The following CGREF1 variants were observed in gnomAD, a reference collection of about 807,000 sequenced individuals.
The protein encoded by CGREF1 is cell growth regulator with EF hand domain protein 1.
A neutral mutation model predicts 17.4 loss-of-function variants in CGREF1; 16 were observed. That is an observed-to-expected ratio of 0.92 (90% confidence interval 0.62 to 1.40). The LOEUF (loss-of-function observed/expected upper bound fraction) is 1.40. CGREF1 is among the 40% of genes most tolerant of loss of function. CGREF1 has a pLI of 0.00. For synonymous variants in CGREF1, 142 were observed against 154.6 expected (o/e 0.92, Z 0.61); for missense variants, 296 against 376.4 (o/e 0.79, Z 1.77).
At chr2:27,108,099 ACAC>A (rs1671206288) in intron 1 of CGREF1, among the ~76,000 whole-genome samples, 1 of 151,436 alleles carries the variant, frequency 6.6e-6, no homozygotes, top group African/African-American at 2.4e-5. Context: ...TACTAAAAAT[ACAC>A]AAGTTAGCTG....
At position 27,104,858 on chromosome 2, in the gene CGREF1, A is replaced by C. The variant is rs1671057801; in HGVS notation, c.-11-481T>G. 17 of 1,382,246 alleles carry C rather than the reference A, an allele frequency of 1.2e-5. No homozygotes were observed. In the South Asian group the frequency reaches 2.4e-4, roughly 20 times the overall value. The allele number at this position is 1,382,246 out of a possible 1,614,324, so 85.6% of individuals were successfully genotyped here. On this transcript the variant is annotated intron_variant, in intron 1 of 5. Transcript: ENST00000402394. ...AATGGACTGTTTGTGTTTATTAAAAACCCACTGAAGAACAAATCAAAAGAG... is the reference window on the plus strand; with the variant it reads ...AATGGACTGTTTGTGTTTATTAAAACCCCACTGAAGAACAAATCAAAAGAG...
At chr2:27,104,885 C>T (rs1010160744) in intron 1 of CGREF1, 26 of 1,247,702 alleles carry the variant, frequency 2.1e-5, no homozygotes, top group Admixed American at 1.2e-4. Flanking sequence ...TCAAAAGAGG[C>T]GCAGACTTCT....
chr2:27,099,799 C>T (rs776688675), downstream of CGREF1: 24 of 1,596,660 alleles, frequency 1.5e-5, no homozygotes, highest in African/African-American at 4.0e-5. Context: ...ATTGCGGCTG[C>T]ATCGCCTTCT....
rs1670838865 is a variant in CGREF1, at chr2:27,101,460, CCCTCTGGGCCCGGGGG to C, written c.755_770del (p.Ala252GlyfsTer65). ...CAGCCTCTGCCTGGCCCCCAGCTTC[CCCTCTGGGCCCGGGGG>C]CATCTCCTTCAGCCTCTGCCTGGCC... On this transcript the variant is annotated frameshift_variant, in exon 6 of 6. Coordinates refer to ENST00000402394, the MANE Select transcript of CGREF1 (RefSeq NM_006569.6). LOFTEE classifies it low-confidence loss of function (END_TRUNC). 1 of 1,444,386 alleles carries C rather than the reference CCCTCTGGGCCCGGGGG, an allele frequency of 6.9e-7. No individual in the cohort carries two copies. The highest frequency in any genetic ancestry group is 9.3e-7 in the Non-Finnish European group (1 of 1,076,750). The allele number at this position is 1,444,386 out of a possible 1,614,324, so 89.5% of individuals were successfully genotyped here. A position where few individuals can be genotyped will look rare whatever the true frequency, so the allele number is the denominator to read the frequency against.
intron 1 of CGREF1, chr2:27,104,680 G>A: frequency 1.9e-6 from 3 of 1,550,532 alleles, no homozygotes; most frequent in Non-Finnish European, 1.7e-6. Flanking sequence ...TAGGTGCCAA[G>A]GTGCCCAGAG....
chr2:27,111,015 A>T (rs1671352661), intron 1 of CGREF1: 1 of 152,418 alleles, frequency 6.6e-6, no homozygotes, highest in Non-Finnish European at 1.5e-5. Context: ...GGCAGTGTGA[A>T]CCCAAAGAGT....
downstream of CGREF1, chr2:27,099,374 G>C: frequency 6.2e-7 from 1 of 1,612,404 alleles, no homozygotes; most frequent in Non-Finnish European, 8.5e-7. Context: ...GGATGGCTGG[G>C]GGGACGGGGT....
In CGREF1 at chr2:27,102,520, A is replaced by G. The variant is rs998944327; in HGVS notation, c.146+6T>C. ...CCTGAAAGCACCCCCGGCCCACCCT[A>G]CTCACCCGAGCTGCTCCTGGCCTGG... is the stretch of plus-strand genomic sequence containing the variant. On this transcript the variant is annotated splice_donor_region_variant and intron_variant, in intron 3 of 5. Transcript: ENST00000402394. 3 of 1,613,570 alleles carry G rather than the reference A, an allele frequency of 1.9e-6. No individual in the cohort carries two copies. The African/African-American group carries it at 4.0e-5, about 22-fold the overall frequency.
downstream of CGREF1, chr2:27,099,599 G>A (rs1033932441): frequency 1.2e-6 from 2 of 1,614,022 alleles, no homozygotes; most frequent in East Asian, 2.2e-5. Flanking sequence ...AGCAGGAGGG[G>A]AAAAGGACTG....
downstream of CGREF1, chr2:27,100,008 T>C (rs903588886): frequency 2.8e-6 from 2 of 721,548 alleles, no homozygotes; most frequent in Admixed American, 4.5e-5. Context: ...TGGCTGGGCA[T>C]TCCTGAGGCT....
At chr2:27,105,230 A>G (rs1239398969) in intron 1 of CGREF1, among the ~76,000 whole-genome samples, 1 of 152,164 alleles carries the variant, frequency 6.6e-6, no homozygotes, top group Non-Finnish European at 1.5e-5. Flanking sequence ...CATCTCTAGA[A>G]AGAAAAACCG....
At chr2:27,106,278 G>C (rs1197034665) in intron 1 of CGREF1, among the ~76,000 whole-genome samples, 3 of 152,246 alleles carry the variant, frequency 2.0e-5, no homozygotes, top group Non-Finnish European at 2.9e-5. Context: ...AGTGAAAACA[G>C]TAATCTGGGG....
intron 1 of CGREF1, among the ~76,000 whole-genome samples, chr2:27,107,474 C>T (rs990445144): frequency 1.3e-5 from 2 of 151,448 alleles, no homozygotes; most frequent in African/African-American, 2.4e-5. Flanking sequence ...AGGCTGGTCT[C>T]AAACTCCTGA....
intron 1 of CGREF1, chr2:27,104,801 A>G: frequency 6.9e-7 from 1 of 1,457,574 alleles, no homozygotes; most frequent in South Asian, 1.5e-5. Context: ...GAGTCACAAA[A>G]AGACCAAGAC....
At chr2:27,110,037 A>G (rs951597475) in intron 1 of CGREF1, among the ~76,000 whole-genome samples, 30 of 152,220 alleles carry the variant, frequency 2.0e-4, no homozygotes, top group African/African-American at 6.7e-4. Flanking sequence ...AAGAAGAAAT[A>G]AAAGCAGGAA....
chr2:27,113,990 C>CTTT lies in CGREF1; in HGVS notation c.-12+4853_-12+4855dup, dbSNP rs60288087. Among the ~76,000 whole-genome samples the CTTT allele has an allele frequency of 1.3e-3, 131 of 102,340 alleles. 1 individual carries two copies. The highest frequency in any genetic ancestry group is 2.4e-3 in the African/African-American group (52 of 22,036). The allele number at this position is 102,340 out of a possible 152,430, so 67.1% of individuals were successfully genotyped here. On this transcript the variant is annotated intron_variant, in intron 1 of 5. Transcript: ENST00000402394. ...CGTGTTCTTACATACTAGCAGGTGC[C>CTTT]TTTTTTTTTTTTTTTTTTTTTTTGA...
chr2:27,103,247 T>A (rs1380872000), intron 2 of CGREF1, among the ~76,000 whole-genome samples: 9 of 152,218 alleles, frequency 5.9e-5, no homozygotes, highest in Non-Finnish European at 7.3e-5. Context: ...TGGCTGTTCC[T>A]GTGGCTGTTT....
chr2:27,102,467 A>C, intron 3 of CGREF1, 37 bp from the exon 4 acceptor site: 2 of 1,613,366 alleles, frequency 1.2e-6, no homozygotes, highest in African/African-American at 1.3e-5. Flanking sequence ...GGGAGAGGTG[A>C]GTCTGCAGCC....
chr2:27,108,805 G>A (rs1218591048), intron 1 of CGREF1, among the ~76,000 whole-genome samples: 1 of 152,136 alleles, frequency 6.6e-6, no homozygotes, highest in Non-Finnish European at 1.5e-5. Flanking sequence ...AGAATGAGGT[G>A]AAGCAAATTT....
Sources: allele counts gnomAD v4.1 joint callset (sites outside exome capture counted in the v4.1 genomes callset), GRCh38; gene constraint gnomAD v4.1.1; transcripts MANE v1.5; gene names NCBI Gene and HGNC (gene_info 2026-07-23, HGNC 2026-07-21).